The following KIAA1191 variants were observed in gnomAD, a reference collection of about 807,000 sequenced individuals.
KIAA1191 encodes putative monooxygenase p33MONOX.
KIAA1191 carries 22 observed loss-of-function variants against 31.1 expected under a neutral mutation model. The ratio of observed to expected loss-of-function variants is 0.71; its 90% CI spans 0.51 to 1.01. The LOEUF (loss-of-function observed/expected upper bound fraction) is 1.01. KIAA1191 is among the 50% of genes least tolerant of loss of function. KIAA1191 has a pLI of 0.00. For synonymous variants in KIAA1191, 130 were observed against 143.9 expected (o/e 0.90, Z 0.69); for missense variants, 319 against 388.0 (o/e 0.82, Z 1.49).
chr5:176,355,662 T>C lies in KIAA1191; in HGVS notation c.116A>G (p.Asp39Gly), dbSNP rs1767450440. 3 of 1,613,080 alleles carry C rather than the reference T, an allele frequency of 1.9e-6. No individual in the cohort carries two copies. Among genetic ancestry groups the C allele is most frequent in the Non-Finnish European group, 2.5e-6 (3 of 1,180,000 alleles). The change falls in exon 4 of 9, where the codon GAC (aspartate) becomes GGC (glycine). Residue 39 changes from aspartate (D) to glycine (G), a missense_variant. Transcript: ENST00000298569. The surrounding 1 kb of genome is among the most constrained non-coding windows in gnomAD (Gnocchi z 4.2). ...RAVSYDDTLE[D>G]PAPMTPPPSD... The stretch of plus-strand genomic sequence containing the variant: ...TGGAGGAGGAGTCATGGGCGCAGGG[T>C]CCTCGAGGGTATCATCATAGCTGAC...
In KIAA1191 at chr5:176,355,408, T is replaced by C. The variant is rs1325200035; in HGVS notation, c.207+163A>G. 3.0e-5 allele frequency among the ~76,000 whole-genome samples: 2 copies of C among 67,110 alleles called. No homozygotes were observed. Among genetic ancestry groups the C allele is most frequent in the Non-Finnish European group, 6.9e-5 (2 of 28,922 alleles). 44.0% of individuals were successfully genotyped at this position (67,110 alleles called of 152,430 possible). On this transcript the variant is annotated intron_variant, in intron 4 of 8. Transcript: ENST00000298569. The surrounding 1 kb of genome is among the most constrained non-coding windows in gnomAD (Gnocchi z 4.2). ...TTTTTTTTTAACAAAATAAATAAAA[T>C]CTTAAAAAAAAAAAAAAGACAGCTA...
chr5:176,351,864 G>C (rs1767042097), intron 5 of KIAA1191, among the ~76,000 whole-genome samples: 1 of 151,980 alleles, frequency 6.6e-6, no homozygotes, highest in South Asian at 2.1e-4. Context: ...TCCTGGAGAA[G>C]ATAAACAAGG....
intron 6 of KIAA1191, among the ~76,000 whole-genome samples, chr5:176,349,845 C>A (rs775172534): frequency 6.6e-6 from 1 of 151,978 alleles, no homozygotes; most frequent in African/African-American, 2.4e-5. Context: ...TGGATTCTGA[C>A]CCCCCCTTGC....
intron 3 of KIAA1191, chr5:176,357,045 C>T (rs529265959): frequency 2.0e-5 from 3 of 152,324 alleles, no homozygotes; most frequent in East Asian, 3.9e-4. Flanking sequence ...GTGGCTCACA[C>T]CTGTAATCCC....
At chr5:176,349,842 T>C (rs1766835683) in intron 6 of KIAA1191, among the ~76,000 whole-genome samples, 1 of 152,182 alleles carries the variant, frequency 6.6e-6, no homozygotes, top group Non-Finnish European at 1.5e-5. Flanking sequence ...GCCTGGATTC[T>C]GACCCCCCCT....
intron 3 of KIAA1191, among the ~76,000 whole-genome samples, chr5:176,358,201 G>A (rs184211831): frequency 6.6e-6 from 1 of 152,286 alleles, no homozygotes; most frequent in Non-Finnish European, 1.5e-5. Flanking sequence ...AAGCAGGCTG[G>A]TGCCTTTTTA....
chr5:176,355,764 A>G lies in KIAA1191; in HGVS notation c.29-15T>C, dbSNP rs1187414704. On this transcript the variant is annotated splice_polypyrimidine_tract_variant and intron_variant, in intron 3 of 8. Transcript: ENST00000298569. The surrounding 1 kb of genome is among the most constrained non-coding windows in gnomAD (Gnocchi z 4.2). ...AGCCTCAAGAGCTAAGAACAGAGAC[A>G]CCTGTCAAGACAGGTTCAGCAACTG... is the stretch of plus-strand genomic sequence containing the variant. The G allele has an allele frequency of 6.2e-7, 1 of 1,613,548 alleles. No homozygotes were observed. Among genetic ancestry groups the G allele is most frequent in the Non-Finnish European group, 8.5e-7 (1 of 1,179,636 alleles).
intron 5 of KIAA1191, among the ~76,000 whole-genome samples, chr5:176,351,510 AGC>A (rs2113473646): frequency 6.6e-6 from 1 of 152,194 alleles, no homozygotes; most frequent in East Asian, 1.9e-4. Context: ...CTGTAATCCC[AGC>A]ACTTTGGTTG....
chr5:176,357,889 A>G (rs1767642722), intron 3 of KIAA1191, among the ~76,000 whole-genome samples: 1 of 152,190 alleles, frequency 6.6e-6, no homozygotes, highest in African/African-American at 2.4e-5. Flanking sequence ...ACTGGAAAAT[A>G]TGTTCATATA....
rs1767467113 is a variant in KIAA1191 at position 176,355,887 on chromosome 5, C to A, written c.29-138G>T. On this transcript the variant is annotated intron_variant, in intron 3 of 8. Transcript: ENST00000298569. This position sits in a 1 kb window ranked among gnomAD's most constrained non-coding sequence, Gnocchi z 4.2. ...AATAGCTTGTTTTGGAGTAGCTAATCCCATCCAGGAAAGGCAGTGGTACCA... is the reference window on the plus strand; with the variant it reads ...AATAGCTTGTTTTGGAGTAGCTAATACCATCCAGGAAAGGCAGTGGTACCA... 3 of 821,208 alleles carry A rather than the reference C, an allele frequency of 3.7e-6. No individual in the cohort carries two copies. Among genetic ancestry groups the A allele is most frequent in the Non-Finnish European group, 6.0e-6 (3 of 502,354 alleles). 50.9% of individuals were successfully genotyped at this position (821,208 alleles called of 1,614,324 possible).
At position 176,355,793 on chromosome 5, in the gene KIAA1191, A is replaced by T; in HGVS notation, c.29-44T>A. On this transcript the variant is annotated intron_variant, in intron 3 of 8. Coordinates refer to ENST00000298569, the MANE Select transcript of KIAA1191 (RefSeq NM_020444.5). This position sits in a 1 kb window ranked among gnomAD's most constrained non-coding sequence, Gnocchi z 4.2. Reference sequence around the variant, plus strand: ...GTCAAGACAGGTTCAGCAACTGGACATACTAGCAGCTTTAAATTAATCTAC... The same window carrying T: ...GTCAAGACAGGTTCAGCAACTGGACTTACTAGCAGCTTTAAATTAATCTAC... 2.6e-6 allele frequency: 4 copies of T among 1,567,854 alleles called. No homozygotes were observed. Among genetic ancestry groups the T allele is most frequent in the Non-Finnish European group, 2.6e-6 (3 of 1,138,318 alleles).
At chr5:176,359,083 CAAAAA>C (rs70991539) in intron 3 of KIAA1191, among the ~76,000 whole-genome samples, 1 of 51,878 alleles carries the variant, frequency 1.9e-5, no homozygotes, top group African/African-American at 7.7e-5. Flanking sequence ...GACTCTGTCT[CAAAAA>C]AAAAAAAAAA....
intron 3 of KIAA1191, among the ~76,000 whole-genome samples, chr5:176,358,571 C>T (rs539029968): frequency 2.6e-5 from 4 of 152,100 alleles, no homozygotes; most frequent in Admixed American, 2.0e-4. Context: ...CAAAAATTAG[C>T]CGGGCGTGGT....
chr5:176,358,519 C>T (rs899594692), intron 3 of KIAA1191, among the ~76,000 whole-genome samples: 2 of 151,686 alleles, frequency 1.3e-5, no homozygotes, highest in African/African-American at 2.4e-5. Context: ...AGTTTGAGAC[C>T]AGCCTGGCCA....
intron 1 of KIAA1191, among the ~76,000 whole-genome samples, chr5:176,360,635 T>C (rs1767917274): frequency 6.6e-6 from 1 of 151,302 alleles, no homozygotes; most frequent in South Asian, 2.1e-4. Context: ...ACCCCATCTC[T>C]ACTAAAAATA....
At position 176,346,457 on chromosome 5, in the gene KIAA1191, A is replaced by G. The variant is rs945484118; in HGVS notation, c.*1143T>C. On this transcript the variant is annotated 3_prime_UTR_variant, in exon 9 of 9. Transcript: ENST00000298569. Reference sequence around the variant, plus strand: ...AGTTAACACCACTGGCTTCACATGAACCTCAAGACTATAATCTAACGGTAT... The same window carrying G: ...AGTTAACACCACTGGCTTCACATGAGCCTCAAGACTATAATCTAACGGTAT... 1.3e-5 allele frequency: 2 copies of G among 152,258 alleles called. No individual in the cohort carries two copies. The highest frequency in any genetic ancestry group is 4.8e-5 in the African/African-American group (2 of 41,470). 9.4% of individuals were successfully genotyped at this position (152,258 alleles called of 1,614,324 possible). A position where few individuals can be genotyped will look rare whatever the true frequency, so the allele number is the denominator to read the frequency against.
At chr5:176,348,104 C>T in intron 7 of KIAA1191, 41 bp from the exon 8 acceptor site, 2 of 1,609,926 alleles carry the variant, frequency 1.2e-6, no homozygotes, top group East Asian at 2.2e-5. Flanking sequence ...AATACCTCTT[C>T]CTTCGCCCCT....
At position 176,355,923 on chromosome 5, in the gene KIAA1191, C is replaced by T; in HGVS notation, c.29-174G>A. On this transcript the variant is annotated intron_variant, in intron 3 of 8. Transcript: ENST00000298569. The surrounding 1 kb of genome is among the most constrained non-coding windows in gnomAD (Gnocchi z 4.2). ...AAGGCAGTGGTACCAATCCCTTCCT[C>T]TATGCCTGACACCTTGGGTGGTCCA... 1 of 650,616 alleles carries T rather than the reference C, an allele frequency of 1.5e-6. No individual in the cohort carries two copies. The highest frequency in any genetic ancestry group is 1.8e-5 in the African/African-American group (1 of 54,556). 40.3% of individuals were successfully genotyped at this position (650,616 alleles called of 1,614,324 possible).
In KIAA1191 at chr5:176,348,456, G is replaced by T. The variant is rs1479954173; in HGVS notation, c.460-100C>A. On this transcript the variant is annotated intron_variant, in intron 6 of 8. Transcript: ENST00000298569. ...AATTTGGTTCGCATTCTAACTTTAGGCAGAAGACATCTACAGGTGGAATGA... is the reference window on the plus strand; with the variant it reads ...AATTTGGTTCGCATTCTAACTTTAGTCAGAAGACATCTACAGGTGGAATGA... 7 of 768,838 alleles carry T rather than the reference G, an allele frequency of 9.1e-6. No individual in the cohort carries two copies. In the East Asian group the frequency reaches 1.9e-4, roughly 21 times the overall value. 47.6% of individuals were successfully genotyped at this position (768,838 alleles called of 1,614,324 possible). A position where few individuals can be genotyped will look rare whatever the true frequency, so the allele number is the denominator to read the frequency against.
Sources: allele counts gnomAD v4.1 joint callset (sites outside exome capture counted in the v4.1 genomes callset), GRCh38; gene constraint gnomAD v4.1.1; non-coding constraint Gnocchi (gnomAD v3.1); transcripts MANE v1.5; gene names NCBI Gene and HGNC (gene_info 2026-07-23, HGNC 2026-07-21).